The following SDR16C5 variants were observed in gnomAD, a reference collection of about 807,000 sequenced individuals.
SDR16C5 encodes short chain dehydrogenase/reductase family 16C member 5, also known as epidermal retinol dehydrogenase 2.
SDR16C5 carries 20 observed loss-of-function variants against 27.7 expected under a neutral mutation model. The observed-to-expected ratio is 0.72, with a 90% CI of 0.51 to 1.05. The LOEUF is 1.05. Among genes scored for constraint, SDR16C5 ranks in the 50% least tolerant of loss-of-function variants. The pLI is 0.00. For synonymous variants in SDR16C5, 139 were observed against 132.3 expected, an observed-to-expected ratio of 1.05 and a Z score of -0.35; for missense variants, 374 against 366.3, an observed-to-expected ratio of 1.02 and a Z score of -0.17.
At chr8:56,302,672 CAA>C (rs36094743) in intron 6 of SDR16C5, among the ~76,000 whole-genome samples, 18 of 109,242 alleles carry the variant, frequency 1.6e-4, no homozygotes, top group Middle Eastern at 5.6e-3. Context: ...GAGTCCATCT[CAA>C]AAAAAAAAAA....
rs1814956659 is a variant in SDR16C5, at chr8:56,309,006, C to A, written c.487G>T (p.Ala163Ser). 8 of 1,610,986 alleles carry A rather than the reference C, an allele frequency of 5.0e-6. No homozygotes were observed. Among genetic ancestry groups the A allele is most frequent in the Non-Finnish European group, 5.1e-6 (6 of 1,178,730 alleles). ...TGTCCATGGTCATTAGCAATCATAG[C>A]AGGTAGAAAGGCTTTATAAGTCTAA... is the stretch of plus-strand genomic sequence containing the variant. Reference protein sequence around the residue: ...HLWTYKAFLPAMIANDHGHLV... With the variant: ...HLWTYKAFLPSMIANDHGHLV... The change falls in exon 4 of 7, where the codon GCT becomes TCT. Residue 163 changes from alanine (A) to serine (S), a missense_variant. By Grantham distance (99) the Ala-to-Ser change is moderately conservative. Coordinates refer to ENST00000303749, the MANE Select transcript of SDR16C5 (RefSeq NM_138969.4).
At chr8:56,311,412 T>C (rs1264242525) in intron 3 of SDR16C5, among the ~76,000 whole-genome samples, 1 of 152,140 alleles carries the variant, frequency 6.6e-6, no homozygotes, top group Non-Finnish European at 1.5e-5. Flanking sequence ...TGAGACTCTG[T>C]CTCAAAAAAT....
chr8:56,306,737 T>C lies in SDR16C5; in HGVS notation c.649A>G (p.Lys217Glu). 5.0e-6 allele frequency: 8 copies of C among 1,614,016 alleles called. No individual in the cohort carries two copies. The highest frequency in any genetic ancestry group is 6.8e-6 in the Non-Finnish European group (8 of 1,179,978). ...AAAAAGGGGCACACAATCGTGGTTTTGATCCCCTTTTGTTTTTGGACAAAT... is the reference window on the plus strand; with the variant it reads ...AAAAAGGGGCACACAATCGTGGTTTCGATCCCCTTTTGTTTTTGGACAAAT... Reference protein sequence around the residue: ...ETFVQKQKGIKTTIVCPFFIK... With the variant: ...ETFVQKQKGIETTIVCPFFIK... The change falls in exon 5 of 7, where the codon AAA becomes GAA. Residue 217 changes from lysine (K) to glutamate (E), a missense_variant. By Grantham distance (56) the Lys-to-Glu change is moderately conservative (BLOSUM62 1). Transcript: ENST00000303749.
rs766041808 is a variant in SDR16C5, at chr8:56,305,661, T to C, written c.772A>G (p.Ile258Val). The C allele has an allele frequency of 1.2e-6, 2 of 1,602,716 alleles. No individual in the cohort carries two copies. The highest frequency in any genetic ancestry group is 1.7e-6 in the Non-Finnish European group (2 of 1,175,744). ...KYAVEKIVEA[I>V]LQEKMYLYMP... Reference sequence around the variant, plus strand: ...TACAAGTACATTTTTTCTTGTAGAATAGCTTCTACTATTTTTTCAACTGCA... The same window carrying C: ...TACAAGTACATTTTTTCTTGTAGAACAGCTTCTACTATTTTTTCAACTGCA... The change falls in exon 6 of 7, where the codon ATT (isoleucine) becomes GTT (valine). Residue 258 changes from isoleucine (I) to valine (V), a missense_variant. By Grantham distance (29) the Ile-to-Val change is conservative (BLOSUM62 3). Transcript: ENST00000303749.
chr8:56,316,030 A>G lies in SDR16C5; in HGVS notation c.318T>C (p.Tyr106=), dbSNP rs1815185271. 2.5e-6 allele frequency: 4 copies of G among 1,613,104 alleles called. No individual in the cohort carries two copies. Among genetic ancestry groups the G allele is most frequent in the South Asian group, 1.1e-5 (1 of 90,922 alleles). The change falls in exon 2 of 7, where the codon TAT becomes TAC. Residue 106 remains tyrosine, a synonymous_variant. Transcript: ENST00000303749. Reference sequence around the variant, plus strand: ...CAAGAGTTACCTGGTCGGCTACTCTATACACTCCTTCCTTTTGGCTGCAAT... The same window carrying G: ...CAAGAGTTACCTGGTCGGCTACTCTGTACACTCCTTCCTTTTGGCTGCAAT... ...TCDCSQKEGV[Y]RVADQVKKEV...
intron 2 of SDR16C5, among the ~76,000 whole-genome samples, chr8:56,314,813 G>A (rs1815148324): frequency 6.6e-6 from 1 of 152,204 alleles, no homozygotes; most frequent in South Asian, 2.1e-4. Context: ...AGAAGCTAAG[G>A]AGCAACTTTA....
In SDR16C5 at chr8:56,316,379, T is replaced by G. The variant is rs774358593; in HGVS notation, c.-14-18A>C. ...GCTGACACCTGTGAAGAAAGACAGA[T>G]TCACATGAAGACTTATTTGTCCATT... On this transcript the variant is annotated intron_variant, in intron 1 of 6. Transcript: ENST00000303749. 1.3e-6 allele frequency: 2 copies of G among 1,496,906 alleles called. No homozygotes were observed. The highest frequency in any genetic ancestry group is 1.7e-5 in the Admixed American group (1 of 59,326). 92.7% of individuals were successfully genotyped at this position (1,496,906 alleles called of 1,614,324 possible).
At position 56,311,189 on chromosome 8, in the gene SDR16C5, G is replaced by A. The variant is rs949581511; in HGVS notation, c.465+968C>T. ...AGCACTGTGGGAGGCCAAGGCAGGC[G>A]GAACACTTGAGGCCAGGAGTTCAAG... is the stretch of plus-strand genomic sequence containing the variant. On this transcript the variant is annotated intron_variant, in intron 3 of 6. Coordinates refer to ENST00000303749, the MANE Select transcript of SDR16C5 (RefSeq NM_138969.4). 3.3e-5 allele frequency among the ~76,000 whole-genome samples: 5 copies of A among 152,138 alleles called. No homozygotes were observed. The East Asian group carries it at 7.7e-4, about 23-fold the overall frequency.
rs754737737 is a variant in SDR16C5, at chr8:56,305,682, C to A, written c.751G>T (p.Val251Phe). ...LLPILEPKYA[V>F]EKIVEAILQE... Reference sequence around the variant, plus strand: ...AGAATAGCTTCTACTATTTTTTCAACTGCATATTTTGGTTCCAGAATTGGC... The same window carrying A: ...AGAATAGCTTCTACTATTTTTTCAAATGCATATTTTGGTTCCAGAATTGGC... The change falls in exon 6 of 7, where the codon GTT becomes TTT. Residue 251 changes from valine (V) to phenylalanine (F), a missense_variant. Physicochemically the swap from Val to Phe is conservative, Grantham distance 50. Transcript: ENST00000303749. 12 of 1,601,374 alleles carry A rather than the reference C, an allele frequency of 7.5e-6. No individual in the cohort carries two copies. In the Admixed American group the frequency reaches 1.2e-4, roughly 16 times the overall value.
At chr8:56,307,269 TC>T (rs1814910410) in intron 4 of SDR16C5, among the ~76,000 whole-genome samples, 1 of 152,096 alleles carries the variant, frequency 6.6e-6, no homozygotes, top group South Asian at 2.1e-4. Flanking sequence ...GAAGTTTTCT[TC>T]CAACTATAAC....
intron 1 of SDR16C5, among the ~76,000 whole-genome samples, chr8:56,318,221 G>A (rs1351081166): frequency 6.6e-6 from 1 of 152,178 alleles, no homozygotes; most frequent in Non-Finnish European, 1.5e-5. Context: ...GAATAAGAAT[G>A]TTTGCTCTAA....
intron 1 of SDR16C5, among the ~76,000 whole-genome samples, chr8:56,318,945 G>T (rs1204777806): frequency 6.6e-6 from 1 of 152,102 alleles, no homozygotes; most frequent in African/African-American, 2.4e-5. Context: ...TGCAACTTTG[G>T]TAGAAATGAT....
Position 56,306,743 on chromosome 8 carries a change from C to T in SDR16C5, c.643G>A (p.Gly215Arg). 2.5e-6 allele frequency: 4 copies of T among 1,613,800 alleles called. No homozygotes were observed. The highest frequency in any genetic ancestry group is 3.4e-6 in the Non-Finnish European group (4 of 1,179,920). ...GGGCACACAATCGTGGTTTTGATCC[C>T]CTTTTGTTTTTGGACAAATGTTTCT... is the stretch of plus-strand genomic sequence containing the variant. ...FVETFVQKQK[G>R]IKTTIVCPFF... Residue 215 changes from glycine (G) to arginine (R), a missense_variant, in exon 5 of 7, where the codon GGG becomes AGG. By Grantham distance (125) the Gly-to-Arg change is moderately radical. Coordinates refer to ENST00000303749, the MANE Select transcript of SDR16C5 (RefSeq NM_138969.4).
intron 2 of SDR16C5, among the ~76,000 whole-genome samples, chr8:56,315,160 G>A (rs915354329): frequency 6.6e-6 from 1 of 151,620 alleles, no homozygotes; most frequent in Non-Finnish European, 1.5e-5. Context: ...CAAGAGAATC[G>A]CTCGAACCCA....
chr8:56,305,989 T>C (rs1176024531), intron 5 of SDR16C5, among the ~76,000 whole-genome samples: 2 of 152,242 alleles, frequency 1.3e-5, no homozygotes, highest in African/African-American at 4.8e-5. Flanking sequence ...AAACAAATAT[T>C]CCAAATATTT....
intron 6 of SDR16C5, 145 bp from the exon 7 acceptor site, chr8:56,301,718 C>G (rs1814760175): frequency 1.6e-6 from 1 of 622,434 alleles, no homozygotes; most frequent in Non-Finnish European, 2.9e-6. Context: ...CTACCCGCCT[C>G]AGGGTCACTG....
Position 56,303,877 on chromosome 8 carries a change from T to C in SDR16C5, c.836+1720A>G, listed in dbSNP as rs1814818927. 2.5e-5 allele frequency: 17 copies of C among 686,666 alleles called. No individual in the cohort carries two copies. In the South Asian group the frequency reaches 2.6e-4, roughly 11 times the overall value. 42.5% of individuals were successfully genotyped at this position (686,666 alleles called of 1,614,324 possible). Reference sequence around the variant, plus strand: ...ACACCCTGCCCAATAAACAGTGCATTACACGAATCTACAAGCTACGACAAA... The same window carrying C: ...ACACCCTGCCCAATAAACAGTGCATCACACGAATCTACAAGCTACGACAAA... On this transcript the variant is annotated intron_variant, in intron 6 of 6. Coordinates refer to ENST00000303749, the MANE Select transcript of SDR16C5 (RefSeq NM_138969.4).
At chr8:56,313,261 T>C (rs1394117492) in intron 2 of SDR16C5, among the ~76,000 whole-genome samples, 1 of 152,216 alleles carries the variant, frequency 6.6e-6, no homozygotes, top group Non-Finnish European at 1.5e-5. Flanking sequence ...ATAGCTTCAT[T>C]ATAGCCAAAT....
Position 56,301,485 on chromosome 8 carries a change from G to T in SDR16C5, c.925C>A (p.Leu309Ile), listed in dbSNP as rs1563436710. 1 of 1,611,900 alleles carries T rather than the reference G, an allele frequency of 6.2e-7. No homozygotes were observed. The highest frequency in any genetic ancestry group is 1.1e-5 in the South Asian group (1 of 91,034). The part of the protein sequence containing the change: ...MDGFVDQKKK[L>I] ...CTTAGCCATAGAGTTGGTCTTTAGA[G>T]CTTCTTCTTTTGGTCAACAAAGCCA... The change falls in exon 7 of 7, where the codon CTC becomes ATC. Residue 309 changes from leucine (L) to isoleucine (I), a missense_variant. Leu to Ile is a conservative substitution (Grantham distance 5, BLOSUM62 2). Transcript: ENST00000303749.
Sources: gnomAD v4.1 joint callset for allele counts (sites outside exome capture counted in the v4.1 genomes callset) on GRCh38, gnomAD v4.1.1 for gene constraint, MANE v1.5 for transcripts, NCBI Gene and HGNC (gene_info 2026-07-23, HGNC 2026-07-21) for gene names.